IL1RAPL2: variants seen among roughly 807,000 people sequenced by gnomAD.
The protein encoded by IL1RAPL2 is X-linked interleukin-1 receptor accessory protein-like 2.
IL1RAPL2 carries 3 observed loss-of-function variants against 44.1 expected under a neutral mutation model. The observed-to-expected ratio is 0.07, with a 90% CI of 0.03 to 0.18. The LOEUF (loss-of-function observed/expected upper bound fraction) is 0.18. Among genes scored for constraint, IL1RAPL2 ranks in the 10% least tolerant of loss-of-function variants. IL1RAPL2 has a pLI of 1.00. For synonymous variants in IL1RAPL2, 181 were observed against 178.8 expected, an observed-to-expected ratio of 1.01 and a Z score of -0.10; for missense variants, 391 against 496.4, an observed-to-expected ratio of 0.79 and a Z score of 2.02.
chrX:105,094,995 T>C (rs187221359), intron 2 of IL1RAPL2, among the ~76,000 whole-genome samples: 46 of 111,963 alleles, frequency 4.1e-4, no homozygotes, highest in African/African-American at 1.4e-3. Flanking sequence ...ACTATTAATA[T>C]ATATTTTTGT....
intron 2 of IL1RAPL2, among the ~76,000 whole-genome samples, chrX:105,182,502 T>G (rs1285488680): frequency 1.8e-5 from 2 of 112,104 alleles, no homozygotes; most frequent in African/African-American, 6.5e-5. Flanking sequence ...TTCCATCCTT[T>G]TACTTTGTCT....
At chrX:105,033,192 G>A (rs895402745) in intron 2 of IL1RAPL2, among the ~76,000 whole-genome samples, 6 of 111,616 alleles carry the variant, frequency 5.4e-5, no homozygotes, top group Non-Finnish European at 9.4e-5. Flanking sequence ...GCCAGTCTGT[G>A]TCTCTTAATT....
chrX:105,112,782 ATTG>A (rs1247850092), intron 2 of IL1RAPL2, among the ~76,000 whole-genome samples: 2 of 112,587 alleles, frequency 1.8e-5, no homozygotes, highest in Non-Finnish European at 3.7e-5. Context: ...TGAATCCAAA[ATTG>A]TTACAAAAGA....
At chrX:104,890,939 A>C (rs1165654435) in intron 2 of IL1RAPL2, among the ~76,000 whole-genome samples, 1 of 112,035 alleles carries the variant, frequency 8.9e-6, no homozygotes, top group African/African-American at 3.2e-5. Context: ...TAGGTCTAAC[A>C]TTTAATTCTT....
At chrX:104,707,621 G>T (rs1315902656) in intron 2 of IL1RAPL2, among the ~76,000 whole-genome samples, 1 of 111,377 alleles carries the variant, frequency 9.0e-6, no homozygotes, top group Non-Finnish European at 1.9e-5. Flanking sequence ...ACTAATGAAG[G>T]TGTTTATAGC....
At chrX:105,126,402 C>T (rs1019487670) in intron 2 of IL1RAPL2, among the ~76,000 whole-genome samples, 2 of 110,758 alleles carry the variant, frequency 1.8e-5, no homozygotes, top group African/African-American at 6.5e-5. Context: ...AGGAAATCAC[C>T]TCCCATGACT....
intron 2 of IL1RAPL2, among the ~76,000 whole-genome samples, chrX:104,954,976 G>A (rs2147712833): frequency 8.9e-6 from 1 of 112,777 alleles, no homozygotes; most frequent in East Asian, 2.8e-4. Flanking sequence ...AGTAGCTCAG[G>A]GGCAGTTCTG....
chrX:105,287,933 C>T (rs758823283), intron 5 of IL1RAPL2, among the ~76,000 whole-genome samples: 9 of 111,054 alleles, frequency 8.1e-5, no homozygotes, highest in Non-Finnish European at 1.1e-4. Flanking sequence ...AGCCCACAGT[C>T]TAGTAGGGAA....
chrX:104,991,635 G>T (rs781584293), intron 2 of IL1RAPL2, among the ~76,000 whole-genome samples: 1 of 111,574 alleles, frequency 9.0e-6, no homozygotes, highest in African/African-American at 3.2e-5. Flanking sequence ...AGAATTTCAA[G>T]GGTTTCACTC....
intron 2 of IL1RAPL2, among the ~76,000 whole-genome samples, chrX:104,725,372 G>A (rs1004288455): frequency 4.5e-5 from 5 of 111,546 alleles, no homozygotes; most frequent in African/African-American, 6.5e-5. Context: ...ATAGTTGAAC[G>A]TTTTATAATC....
At chrX:105,312,153 G>A (rs190764512) in intron 5 of IL1RAPL2, among the ~76,000 whole-genome samples, 3 of 111,481 alleles carry the variant, frequency 2.7e-5, no homozygotes, top group East Asian at 5.6e-4. Flanking sequence ...AGTATTTCAG[G>A]TTAGGATAAG....
chrX:104,585,328 AAT>A (rs1485943223), intron 1 of IL1RAPL2, among the ~76,000 whole-genome samples: 4 of 12,483 alleles, frequency 3.2e-4, no homozygotes, highest in East Asian at 2.9e-3. Context: ...TATTATATAT[AAT>A]ATATATTATA....
At chrX:105,663,890 G>A (rs1471150153) in intron 6 of IL1RAPL2, among the ~76,000 whole-genome samples, 1 of 112,202 alleles carries the variant, frequency 8.9e-6, no homozygotes, top group Non-Finnish European at 1.9e-5. Context: ...AATTTGTGAA[G>A]CCATTGCTGC....
chrX:104,705,541 C>T (rs1233779679), intron 2 of IL1RAPL2, among the ~76,000 whole-genome samples: 1 of 111,282 alleles, frequency 9.0e-6, no homozygotes, highest in Admixed American at 9.6e-5. Context: ...TGCCCACCCA[C>T]CCACCTACAC....
chrX:105,040,118 T>C lies in IL1RAPL2; in HGVS notation c.83-155357T>C, dbSNP rs1602913137. ...GTTGTTGAATTTTGTCAAAGGCCTT[T>C]TCTGCATCTATTGAGATAATCATGT... is the stretch of plus-strand genomic sequence containing the variant. On this transcript the variant is annotated intron_variant, in intron 2 of 10. Transcript: ENST00000372582. Among the ~76,000 whole-genome samples, 3 of 111,583 alleles carry C rather than the reference T, an allele frequency of 2.7e-5. No individual in the cohort carries two copies. The South Asian group carries it at 1.1e-3, about 42-fold the overall frequency.
chrX:105,076,753 A>G (rs1166132995), intron 2 of IL1RAPL2, among the ~76,000 whole-genome samples: 1 of 111,410 alleles, frequency 9.0e-6, no homozygotes, highest in Non-Finnish European at 1.9e-5. Context: ...TATATTTAGG[A>G]TAGTTAGTTC....
chrX:105,183,279 T>A (rs782341276), intron 2 of IL1RAPL2, among the ~76,000 whole-genome samples: 2 of 111,442 alleles, frequency 1.8e-5, no homozygotes, highest in East Asian at 5.7e-4. Context: ...TTGGAGCAAC[T>A]CCAAGCCAGT....
chrX:104,904,843 G>A (rs1328504544), intron 2 of IL1RAPL2, among the ~76,000 whole-genome samples: 3 of 110,214 alleles, frequency 2.7e-5, no homozygotes, highest in Non-Finnish European at 5.7e-5. Context: ...GTGTCAAATG[G>A]TATTTCTAGT....
At chrX:105,209,149 T>C (rs2033788435) in intron 3 of IL1RAPL2, among the ~76,000 whole-genome samples, 1 of 112,212 alleles carries the variant, frequency 8.9e-6, no homozygotes, top group Non-Finnish European at 1.9e-5. Flanking sequence ...AATTCTGATT[T>C]TTAAGCATTT....
Sources: allele counts gnomAD v4.1 joint callset (sites outside exome capture counted in the v4.1 genomes callset), GRCh38; gene constraint gnomAD v4.1.1; transcripts MANE v1.5; gene names NCBI Gene and HGNC (gene_info 2026-07-23, HGNC 2026-07-21).